HERC3: variants seen among roughly 807,000 people sequenced by gnomAD.
The protein encoded by HERC3 is HECT and RLD domain containing E3 ubiquitin protein ligase 3, also known as probable E3 ubiquitin-protein ligase HERC3.
A neutral mutation model predicts 129.9 loss-of-function variants in HERC3; 58 were observed. The observed-to-expected ratio is 0.45, with a 90% CI of 0.36 to 0.56. The LOEUF (loss-of-function observed/expected upper bound fraction) is 0.56, where lower values mean the gene tolerates loss of function less well. HERC3 is among the 20% of genes least tolerant of loss of function. HERC3 has a pLI of 0.00. For synonymous variants in HERC3, 430 were observed against 451.0 expected (o/e 0.95, Z 0.59); for missense variants, 835 against 1,244.2 (o/e 0.67, Z 4.95).
chr4:88,555,548 T>G, the HERC3 span, among the ~76,000 whole-genome samples: 2 of 151,820 alleles, frequency 1.3e-5, no homozygotes, highest in Non-Finnish European at 2.9e-5. Context: ...AATTATGTTG[T>G]TTTTATGGCT....
the HERC3 span, among the ~76,000 whole-genome samples, chr4:88,550,342 C>T: frequency 6.6e-6 from 1 of 152,182 alleles, no homozygotes; most frequent in African/African-American, 2.4e-5. Context: ...GGAAGTCAAA[C>T]TGTCCCTGTT....
chr4:88,591,533 TG>T (rs1721708464), upstream of HERC3, among the ~76,000 whole-genome samples: 1 of 152,184 alleles, frequency 6.6e-6, no homozygotes, highest in Non-Finnish European at 1.5e-5. Context: ...ATTCTTCCAC[TG>T]GGAGAGTTAT....
chr4:88,567,098 T>G, the HERC3 span, among the ~76,000 whole-genome samples: 1 of 152,170 alleles, frequency 6.6e-6, no homozygotes, highest in Non-Finnish European at 1.5e-5. Context: ...TTCTCAGTAC[T>G]TTAAATATAT....
At chr4:88,692,349 G>C (rs1734156376) in intron 23 of HERC3, among the ~76,000 whole-genome samples, 2 of 151,804 alleles carry the variant, frequency 1.3e-5, no homozygotes, top group Non-Finnish European at 2.9e-5. Flanking sequence ...CACACACATG[G>C]GGCTGGGGGG....
At chr4:88,527,788 CT>C in the HERC3 span, 1 of 324,494 alleles carries the variant, frequency 3.1e-6, no homozygotes, top group Non-Finnish European at 6.0e-6. Context: ...GGTTATCCTC[CT>C]TGCTGAGGTG....
chr4:88,563,937 C>A, the HERC3 span, among the ~76,000 whole-genome samples: 1 of 152,120 alleles, frequency 6.6e-6, no homozygotes, highest in African/African-American at 2.4e-5. Context: ...GGATTACAGG[C>A]GTGAGCCACC....
intron 1 of HERC3, among the ~76,000 whole-genome samples, chr4:88,595,202 G>A (rs975251295): frequency 4.9e-4 from 73 of 147,822 alleles, no homozygotes; most frequent in Non-Finnish European, 8.4e-4. Flanking sequence ...GAAAAATAAA[G>A]AAAATAGACA....
intron 19 of HERC3, among the ~76,000 whole-genome samples, chr4:88,678,449 T>G (rs1283876424): frequency 6.6e-6 from 1 of 152,182 alleles, no homozygotes; most frequent in Non-Finnish European, 1.5e-5. Flanking sequence ...TTACCACTAT[T>G]AAGCTATCAT....
upstream of HERC3, among the ~76,000 whole-genome samples, chr4:88,591,769 C>T (rs1721722528): frequency 6.6e-6 from 1 of 152,178 alleles, no homozygotes; most frequent in South Asian, 2.1e-4. Flanking sequence ...AAATCCGTTA[C>T]TGGGTATAGG....
chr4:88,652,992 C>T lies in HERC3; in HGVS notation c.587C>T (p.Ala196Val). 1 of 1,614,188 alleles carries T rather than the reference C, an allele frequency of 6.2e-7. No individual in the cohort carries two copies. The highest frequency in any genetic ancestry group is 8.5e-7 in the Non-Finnish European group (1 of 1,180,030). ...GAGGGGATCCCACTGGCTCAGGTGG[C>T]TGCCGGAGGGGCTCACAGCTTTGCC... ...SLEGIPLAQV[A>V]AGGAHSFALS... The change falls in exon 6 of 26, where the codon GCT becomes GTT. Residue 196 changes from alanine (A) to valine (V), a missense_variant. Coordinates refer to ENST00000402738, the MANE Select transcript of HERC3 (RefSeq NM_014606.3).
chr4:88,584,459 T>C, the HERC3 span, among the ~76,000 whole-genome samples: 1 of 152,234 alleles, frequency 6.6e-6, no homozygotes, highest in African/African-American at 2.4e-5. Context: ...CTGACAGTTA[T>C]GTACCTACTG....
chr4:88,601,630 A>G (rs1722973776), intron 2 of HERC3, among the ~76,000 whole-genome samples: 1 of 152,234 alleles, frequency 6.6e-6, no homozygotes, highest in Admixed American at 6.5e-5. Flanking sequence ...TGAATGTACC[A>G]ATGAAAAGAT....
At position 88,706,961 on chromosome 4, in the gene HERC3, G is replaced by A. The variant is rs1287772782; in HGVS notation, c.*1G>A. The A allele has an allele frequency of 5.6e-6, 9 of 1,612,640 alleles. No individual in the cohort carries two copies. The highest frequency in any genetic ancestry group is 7.6e-6 in the Non-Finnish European group (9 of 1,178,766). ...CTATGAAGGGTTTAGTTTGGCCTGA[G>A]GCTTCTCAGCTTGTCCAGTATTTCC... On this transcript the variant is annotated 3_prime_UTR_variant, in exon 26 of 26. Transcript: ENST00000402738.
rs188832679 is a variant in HERC3, at chr4:88,636,651, A to G, written c.227-13189A>G. Reference sequence around the variant, plus strand: ...TCTGGATCAAGTGGACCTAATAGATATCTACAGAGCTCTCCACCCCAAAAC... The same window carrying G: ...TCTGGATCAAGTGGACCTAATAGATGTCTACAGAGCTCTCCACCCCAAAAC... On this transcript the variant is annotated intron_variant, in intron 3 of 25. Transcript: ENST00000402738. 4.1e-3 allele frequency among the ~76,000 whole-genome samples: 617 copies of G among 152,328 alleles called. 4 individuals are homozygous for G. Among genetic ancestry groups the G allele is most frequent in the African/African-American group, 0.014 (580 of 41,564 alleles).
chr4:88,537,629 T>G, the HERC3 span, among the ~76,000 whole-genome samples: 1 of 152,228 alleles, frequency 6.6e-6, no homozygotes. Context: ...TGAGGTTATA[T>G]TGAAGGCTAA....
chr4:88,526,369 T>C, the HERC3 span, among the ~76,000 whole-genome samples: 11 of 152,304 alleles, frequency 7.2e-5, no homozygotes, highest in African/African-American at 2.2e-4. Context: ...GCATTGAAAT[T>C]TGTGAACCTG....
chr4:88,555,281 CA>C, the HERC3 span, among the ~76,000 whole-genome samples: 237 of 110,398 alleles, frequency 2.1e-3, no homozygotes, highest in South Asian at 8.3e-3. Flanking sequence ...GACTCCGTCT[CA>C]AAAAAAAAAA....
chr4:88,578,556 T>C, the HERC3 span, among the ~76,000 whole-genome samples: 1 of 150,532 alleles, frequency 6.6e-6, no homozygotes, highest in African/African-American at 2.5e-5. Flanking sequence ...CACTCCAGCC[T>C]GAGCAACAGA....
chr4:88,641,656 G>C (rs530026869), intron 3 of HERC3, among the ~76,000 whole-genome samples: 3 of 152,300 alleles, frequency 2.0e-5, no homozygotes, highest in Admixed American at 6.5e-5. Flanking sequence ...TAAAAGCTTT[G>C]TAATGGAATC....
Sources: gnomAD v4.1 joint callset for allele counts (sites outside exome capture counted in the v4.1 genomes callset) on GRCh38, gnomAD v4.1.1 for gene constraint, MANE v1.5 for transcripts, NCBI Gene and HGNC (gene_info 2026-07-23, HGNC 2026-07-21) for gene names.